Variants in CYP11A1 observed in about 807,000 individuals in gnomAD.
CYP11A1 encodes cytochrome P450 family 11 subfamily A member 1.
CYP11A1 carries 25 observed loss-of-function variants against 51.9 expected under a neutral mutation model. The observed-to-expected ratio is 0.48, with a 90% confidence interval of 0.35 to 0.67. The LOEUF is 0.67. Ranked by LOEUF, CYP11A1 falls within the 30% of genes least tolerant of loss-of-function variation. CYP11A1 has a pLI of 0.00. For synonymous variants in CYP11A1, 245 were observed against 262.1 expected (o/e 0.93, Z 0.63); for missense variants, 578 against 680.9 (o/e 0.85, Z 1.68).
chr15:74,355,078 A>G (rs1348481802), intron 1 of CYP11A1, among the ~76,000 whole-genome samples: 1 of 151,762 alleles, frequency 6.6e-6, no homozygotes, highest in African/African-American at 2.4e-5. Context: ...CCTGGGGGGC[A>G]GGCATCCCCC....
intron 1 of CYP11A1, among the ~76,000 whole-genome samples, chr15:74,357,578 A>T (rs1213227653): frequency 6.6e-6 from 1 of 151,982 alleles, no homozygotes; most frequent in Non-Finnish European, 1.5e-5. Context: ...TTCTTTCGCC[A>T]CTCCTCTTTC....
intron 7 of CYP11A1, 23 bp downstream of exon 7, chr15:74,339,210 AGCCT>A: frequency 6.3e-7 from 1 of 1,592,814 alleles, no homozygotes; most frequent in East Asian, 2.2e-5. Flanking sequence ...TGACTGGCAG[AGCCT>A]GCAGCCTGCT....
rs1292727232 is a variant in CYP11A1, at chr15:74,348,021, T to A, written c.304A>T (p.Ile102Phe). The part of the protein sequence containing the change: ...KLGNVESVYV[I>F]DPEDVALLFK... ...AGAAGGGCCACATCTTCAGGGTCGATGACATAAACCGACTCCACGTTGCCG... is the reference window on the plus strand; with the variant it reads ...AGAAGGGCCACATCTTCAGGGTCGAAGACATAAACCGACTCCACGTTGCCG... Residue 102 changes from isoleucine to phenylalanine, a missense_variant, in exon 2 of 9, where the codon ATC (isoleucine) becomes TTC (phenylalanine). Physicochemically the swap from Ile to Phe is conservative, Grantham distance 21. Coordinates refer to ENST00000268053, the MANE Select transcript of CYP11A1 (RefSeq NM_000781.3). 6.2e-7 allele frequency: 1 copy of A among 1,614,122 alleles called. No individual in the cohort carries two copies.
chr15:74,366,111 C>T, intron 1 of CYP11A1: 5 of 985,554 alleles, frequency 5.1e-6, no homozygotes, highest in Non-Finnish European at 6.0e-6. Flanking sequence ...CCGCGAAGAG[C>T]GCAGGAGCAG....
rs188569257 is a variant in CYP11A1 at position 74,365,936 on chromosome 15, G to A, written c.269+1381C>T. 3.1e-5 allele frequency: 30 copies of A among 980,596 alleles called. No homozygotes were observed. In the East Asian group the frequency reaches 2.2e-3, roughly 71 times the overall value. 60.7% of individuals were successfully genotyped at this position (980,596 alleles called of 1,614,324 possible). On this transcript the variant is annotated intron_variant, in intron 1 of 8. Transcript: ENST00000268053. ...TAACACCTCAAAGCGCACGGAGTCC[G>A]TGTTGGGGAACTTGGCGGCAGAGTG...
At chr15:74,357,977 A>G (rs150917431) in intron 1 of CYP11A1, among the ~76,000 whole-genome samples, 80 of 152,306 alleles carry the variant, frequency 5.3e-4, no homozygotes, top group African/African-American at 1.9e-3. Flanking sequence ...AACCCTTGCA[A>G]ATGAATTACA....
At chr15:74,367,106 A>G (rs1348689383) in intron 1 of CYP11A1, 2 of 612,682 alleles carry the variant, frequency 3.3e-6, no homozygotes, top group South Asian at 2.0e-5. Flanking sequence ...TCTGGTTTAG[A>G]GTACTTAAGA....
At chr15:74,351,869 T>C (rs1321070648) in intron 1 of CYP11A1, among the ~76,000 whole-genome samples, 2 of 152,216 alleles carry the variant, frequency 1.3e-5, no homozygotes, top group Non-Finnish European at 2.9e-5. Flanking sequence ...GTTTGGCCTT[T>C]AAAAATCAAA....
intron 1 of CYP11A1, among the ~76,000 whole-genome samples, chr15:74,355,897 AG>A (rs2060677293): frequency 6.6e-6 from 1 of 152,216 alleles, no homozygotes; most frequent in African/African-American, 2.4e-5. Context: ...TAGACCCTGA[AG>A]GGTCAGAAGG....
chr15:74,340,783 G>A (rs1195308935), intron 5 of CYP11A1, among the ~76,000 whole-genome samples: 1 of 151,948 alleles, frequency 6.6e-6, no homozygotes, highest in Non-Finnish European at 1.5e-5. Flanking sequence ...AAATACAGAG[G>A]CTCAGGCCTG....
At chr15:74,347,514 C>T (rs1164438870) in intron 2 of CYP11A1, among the ~76,000 whole-genome samples, 1 of 152,200 alleles carries the variant, frequency 6.6e-6, no homozygotes, top group Non-Finnish European at 1.5e-5. Flanking sequence ...CCCCTTTAGC[C>T]TGTATGGGAC....
intron 1 of CYP11A1, among the ~76,000 whole-genome samples, chr15:74,358,405 C>T (rs1015546167): frequency 5.3e-5 from 8 of 152,172 alleles, no homozygotes; most frequent in Non-Finnish European, 1.0e-4. Flanking sequence ...TCTATTCTGT[C>T]GTCATTTCAT....
At position 74,339,326 on chromosome 15, in the gene CYP11A1, A is replaced by G; in HGVS notation, c.1158-11T>C. ...GAGATGGGGTGAAGTCTGCGGGAGG[A>G]GGGCACTCAGAAGCTGATGGCCCCA... On this transcript the variant is annotated splice_polypyrimidine_tract_variant and intron_variant, in intron 6 of 8. Coordinates refer to ENST00000268053, the MANE Select transcript of CYP11A1 (RefSeq NM_000781.3). 6.2e-7 allele frequency: 1 copy of G among 1,613,262 alleles called. No individual in the cohort carries two copies.
chr15:74,352,154 A>G (rs1356494540), intron 1 of CYP11A1, among the ~76,000 whole-genome samples: 1 of 152,168 alleles, frequency 6.6e-6, no homozygotes, highest in Non-Finnish European at 1.5e-5. Context: ...GACTTAAAGT[A>G]TAACTTTACT....
chr15:74,343,679 G>A (rs1247239858), intron 4 of CYP11A1, 110 bp downstream of exon 4: 3 of 993,214 alleles, frequency 3.0e-6, no homozygotes, highest in Non-Finnish European at 4.8e-6. Flanking sequence ...GCCCGCCACA[G>A]TGTGGGTTTC....
chr15:74,361,582 G>A (rs908892592), intron 1 of CYP11A1: 26 of 940,008 alleles, frequency 2.8e-5, no homozygotes, highest in Middle Eastern at 2.2e-4. Flanking sequence ...CTTTGACATC[G>A]CAGTCACGGC....
Position 74,337,935 on chromosome 15 carries a change from G to A in CYP11A1, c.*37C>T. The A allele has an allele frequency of 6.2e-7, 1 of 1,612,856 alleles. No homozygotes were observed. Among genetic ancestry groups the A allele is most frequent in the Non-Finnish European group, 8.5e-7 (1 of 1,179,936 alleles). ...GAGACCCCATGGGCCCCACCCCTGG[G>A]CCTTCCTCCCATGTGGCTGCAGGCC... On this transcript the variant is annotated 3_prime_UTR_variant, in exon 9 of 9. Coordinates refer to ENST00000268053, the MANE Select transcript of CYP11A1 (RefSeq NM_000781.3).
intron 4 of CYP11A1, among the ~76,000 whole-genome samples, chr15:74,343,400 T>G (rs998143803): frequency 1.3e-5 from 2 of 152,120 alleles, no homozygotes; most frequent in Admixed American, 1.3e-4. Context: ...GTCACATGGC[T>G]GTAAGGGGCA....
intron 1 of CYP11A1, chr15:74,359,730 G>A (rs2060698530): frequency 6.6e-6 from 1 of 152,170 alleles, no homozygotes. Context: ...TGATTAAAAA[G>A]CTTTATTGCT....
Sources: gnomAD v4.1 joint callset for allele counts (sites outside exome capture counted in the v4.1 genomes callset) on GRCh38, gnomAD v4.1.1 for gene constraint, MANE v1.5 for transcripts, NCBI Gene and HGNC (gene_info 2026-07-23, HGNC 2026-07-21) for gene names.